NAA11: variants seen among roughly 807,000 people sequenced by gnomAD.
The protein encoded by NAA11 is N-alpha-acetyltransferase 11.
In NAA11, 15 loss-of-function variants were observed where a neutral mutation model predicts 16.1. The ratio of observed to expected loss-of-function variants is 0.93; its 90% CI spans 0.62 to 1.44. The LOEUF (loss-of-function observed/expected upper bound fraction) is 1.44, where lower values mean the gene tolerates loss of function less well. Ranked by LOEUF, NAA11 falls within the 40% of genes most tolerant of loss-of-function variation. NAA11 has a pLI of 0.00. For synonymous variants in NAA11, 122 were observed against 112.4 expected, an observed-to-expected ratio of 1.09 and a Z score of -0.54; for missense variants, 298 against 291.3, an observed-to-expected ratio of 1.02 and a Z score of -0.17.
chr4:79,240,975 C>T (rs993965062), intron 2 of NAA11, among the ~76,000 whole-genome samples: 3 of 152,158 alleles, frequency 2.0e-5, no homozygotes, highest in African/African-American at 7.2e-5. Context: ...AATCGTCAAC[C>T]AGCTGAGATT....
At chr4:79,309,059 A>C (rs1404180312) in intron 1 of NAA11, among the ~76,000 whole-genome samples, 1 of 152,236 alleles carries the variant, frequency 6.6e-6, no homozygotes, top group African/African-American at 2.4e-5. Flanking sequence ...AAATAATCCA[A>C]AGTAACTTAA....
At chr4:79,271,755 G>A (rs1722498027) in intron 2 of NAA11, among the ~76,000 whole-genome samples, 1 of 151,942 alleles carries the variant, frequency 6.6e-6, no homozygotes, top group Non-Finnish European at 1.5e-5. Context: ...GTAGAAATTA[G>A]GCTGTGTAAA....
chr4:79,312,066 T>C (rs569944877), downstream of NAA11, among the ~76,000 whole-genome samples: 4 of 152,330 alleles, frequency 2.6e-5, no homozygotes, highest in South Asian at 6.2e-4. Context: ...CCACTGGGAA[T>C]CTTACTAAGC....
Position 79,274,749 on chromosome 4 carries a change from T to C in NAA11, c.*122+19256A>G, listed in dbSNP as rs145275276. On this transcript the variant is annotated intron_variant and NMD_transcript_variant, in intron 2 of 2. Coordinates refer to the NAA11 transcript ENST00000511542. ...CCCAGCCAATCTTAGTTACTGTTATTATTATTGAACACATACTGTGTGTTT... is the reference window on the plus strand; with the variant it reads ...CCCAGCCAATCTTAGTTACTGTTATCATTATTGAACACATACTGTGTGTTT... Among the ~76,000 whole-genome samples the C allele has an allele frequency of 3.1e-3, 469 of 152,190 alleles. 3 individuals carry two copies. Among genetic ancestry groups the C allele is most frequent in the African/African-American group, 0.011 (446 of 41,544 alleles).
chr4:79,298,214 G>T, intron 1 of NAA11, among the ~76,000 whole-genome samples: 1 of 152,194 alleles, frequency 6.6e-6, no homozygotes, highest in East Asian at 1.9e-4. Flanking sequence ...GCCCAATAAC[G>T]CTCCTCTTCG....
downstream of NAA11, among the ~76,000 whole-genome samples, chr4:79,222,913 A>G (rs1414667629): frequency 4.5e-4 from 68 of 151,524 alleles, 1 homozygote; most frequent in South Asian, 6.1e-3. Flanking sequence ...ATCACTGGCC[A>G]TCAGAGAAAT....
Position 79,325,827 on chromosome 4 carries a change from G to A in NAA11, c.51C>T (p.Cys17=), listed in dbSNP as rs1724260237. The A allele has an allele frequency of 6.2e-7, 1 of 1,614,048 alleles. No individual in the cohort carries two copies. The highest frequency in any genetic ancestry group is 8.5e-7 in the Non-Finnish European group (1 of 1,179,924). The change falls in exon 1 of 2, where the codon TGC becomes TGT. Residue 17 remains cysteine, a synonymous_variant. Coordinates refer to ENST00000286794, the MANE Select transcript of NAA11 (RefSeq NM_032693.3). ...QPDDLMNMQH[C]NLLCLPENYQ... ...AGTTCTCAGGAAGGCAAAGGAGGTT[G>A]CAGTGTTGCATATTCATCAGGTCGT...
chr4:79,255,165 G>T (rs1164372278), intron 2 of NAA11, among the ~76,000 whole-genome samples: 1 of 152,142 alleles, frequency 6.6e-6, no homozygotes, highest in African/African-American at 2.4e-5. Flanking sequence ...CACTGGGGGT[G>T]GTGGTGATTG....
At chr4:79,288,124 C>A (rs1275950662) in intron 2 of NAA11, among the ~76,000 whole-genome samples, 1 of 152,186 alleles carries the variant, frequency 6.6e-6, no homozygotes, top group Admixed American at 6.5e-5. Flanking sequence ...GCAGAAGATT[C>A]TCTTTCTTCT....
At chr4:79,161,233 T>G in the NAA11 span, among the ~76,000 whole-genome samples, 1 of 152,176 alleles carries the variant, frequency 6.6e-6, no homozygotes, top group Non-Finnish European at 1.5e-5. Flanking sequence ...TGGAGTGCAT[T>G]GGCACGATCT....
At chr4:79,321,901 A>C (rs898836795) in intron 1 of NAA11, among the ~76,000 whole-genome samples, 3 of 152,140 alleles carry the variant, frequency 2.0e-5, no homozygotes, top group African/African-American at 7.2e-5. Context: ...ATCTTTTAAA[A>C]ATTTTTCTGC....
At chr4:79,163,111 G>A in the NAA11 span, among the ~76,000 whole-genome samples, 5 of 152,170 alleles carry the variant, frequency 3.3e-5, no homozygotes, top group East Asian at 3.9e-4. Context: ...TGATTTTCAG[G>A]ACATCTGTGT....
At chr4:79,278,088 A>G (rs1010674558) in intron 2 of NAA11, among the ~76,000 whole-genome samples, 1 of 152,090 alleles carries the variant, frequency 6.6e-6, no homozygotes, top group Non-Finnish European at 1.5e-5. Flanking sequence ...CCTTCCTTAC[A>G]AACTTCAACC....
the NAA11 span, among the ~76,000 whole-genome samples, chr4:79,174,770 G>A: frequency 6.6e-6 from 1 of 152,054 alleles, no homozygotes; most frequent in African/African-American, 2.4e-5. Context: ...TGCAAACAAT[G>A]TGTATGATAA....
the NAA11 span, among the ~76,000 whole-genome samples, chr4:79,207,220 G>A: frequency 1.5e-4 from 23 of 152,028 alleles, no homozygotes; most frequent in Middle Eastern, 3.4e-3. Flanking sequence ...CTCTGGCTAG[G>A]ACTTTCAGTA....
At chr4:79,315,753 C>G (rs1723909826), downstream of NAA11, among the ~76,000 whole-genome samples, 1 of 152,086 alleles carries the variant, frequency 6.6e-6, no homozygotes, top group Non-Finnish European at 1.5e-5. Context: ...GCCACAGACT[C>G]TCACAATTTG....
At chr4:79,192,075 G>C in the NAA11 span, among the ~76,000 whole-genome samples, 2 of 152,102 alleles carry the variant, frequency 1.3e-5, no homozygotes, top group African/African-American at 4.8e-5. Context: ...TGCTGTTTTG[G>C]TTACTGTAGC....
intron 2 of NAA11, chr4:79,227,874 A>G (rs902900869): frequency 2.0e-5 from 3 of 151,976 alleles, no homozygotes; most frequent in African/African-American, 7.2e-5. Flanking sequence ...TCTATCATGC[A>G]TTTGGCTCAT....
At chr4:79,202,134 G>A in the NAA11 span, among the ~76,000 whole-genome samples, 1 of 151,466 alleles carries the variant, frequency 6.6e-6, no homozygotes, top group Non-Finnish European at 1.5e-5. Context: ...ATTTCCATGA[G>A]ATCAACCTTT....
Sources: allele counts gnomAD v4.1 joint callset (sites outside exome capture counted in the v4.1 genomes callset), GRCh38; gene constraint gnomAD v4.1.1; transcripts MANE v1.5; gene names NCBI Gene and HGNC (gene_info 2026-07-23, HGNC 2026-07-21).